Variants in ADAM17 observed in about 807,000 individuals in gnomAD.
ADAM17 encodes disintegrin and metalloproteinase domain-containing protein 17.
A neutral mutation model predicts 96.7 loss-of-function variants in ADAM17; 39 were observed. The observed-to-expected ratio is 0.40, with a 90% CI of 0.31 to 0.53. ADAM17 has a LOEUF of 0.53. Ranked by LOEUF, ADAM17 falls within the 20% of genes least tolerant of loss-of-function variation. ADAM17 has a pLI of 0.44. For synonymous variants in ADAM17, 344 were observed against 359.2 expected (o/e 0.96, Z 0.48); for missense variants, 777 against 1,013.2 (o/e 0.77, Z 3.17).
rs545777161 is a variant in ADAM17, at chr2:9,544,964, T to A, written c.98-1679A>T. 2.1e-4 allele frequency among the ~76,000 whole-genome samples: 32 copies of A among 152,286 alleles called. 1 individual carries two copies. Among genetic ancestry groups the A allele is most frequent in the South Asian group, 2.1e-3 (10 of 4,822 alleles). On this transcript the variant is annotated intron_variant, in intron 1 of 18. Transcript: ENST00000310823. ...ACGAATTCTCAGTGCTGAAATGCAA[T>A]ATGGTCCTTTAGTTCTTCAATTTCC...
chr2:9,532,006 G>A (rs1480865580), intron 4 of ADAM17, among the ~76,000 whole-genome samples: 1 of 152,152 alleles, frequency 6.6e-6, no homozygotes, highest in Non-Finnish European at 1.5e-5. Context: ...CAGCTACTCA[G>A]GAGGCAGAAA....
intron 1 of ADAM17, among the ~76,000 whole-genome samples, chr2:9,552,943 G>C (rs1166152582): frequency 6.6e-6 from 1 of 151,928 alleles, no homozygotes; most frequent in Non-Finnish European, 1.5e-5. Flanking sequence ...GTATTTGTAG[G>C]ACAATAAACA....
chr2:9,513,160 A>G (rs1663837314), intron 10 of ADAM17, among the ~76,000 whole-genome samples: 1 of 151,940 alleles, frequency 6.6e-6, no homozygotes, highest in African/African-American at 2.4e-5. Context: ...ACACCTGGCT[A>G]ATTTTTGTAT....
intron 6 of ADAM17, 73 bp from the exon 7 acceptor site, chr2:9,523,411 A>C: frequency 7.7e-7 from 1 of 1,301,596 alleles, no homozygotes; most frequent in Non-Finnish European, 1.1e-6. Flanking sequence ...TATAAAATCT[A>C]TGGGGAAAGA....
intron 18 of ADAM17, 65 bp from the exon 19 acceptor site, chr2:9,490,583 C>T: frequency 2.1e-6 from 3 of 1,444,550 alleles, no homozygotes. Flanking sequence ...CTCACAGCTC[C>T]ACCCTTACCC....
At chr2:9,504,427 G>A (rs976027964) in intron 12 of ADAM17, among the ~76,000 whole-genome samples, 4 of 151,682 alleles carry the variant, frequency 2.6e-5, no homozygotes, top group Non-Finnish European at 5.9e-5. Flanking sequence ...CCTGGCAACA[G>A]AGCGAGACGC....
chr2:9,530,079 T>C (rs889990751), intron 4 of ADAM17, among the ~76,000 whole-genome samples: 1 of 152,202 alleles, frequency 6.6e-6, no homozygotes, highest in Non-Finnish European at 1.5e-5. Flanking sequence ...TATATGCATA[T>C]ACATCTTTGG....
At chr2:9,497,378 T>A in intron 13 of ADAM17, 130 bp from the exon 14 acceptor site, 1 of 1,184,824 alleles carries the variant, frequency 8.4e-7, no homozygotes, top group South Asian at 1.5e-5. Flanking sequence ...CCTACAGAGC[T>A]AGGACAAGAG....
At chr2:9,516,577 C>T (rs1558511137) in intron 10 of ADAM17, among the ~76,000 whole-genome samples, 1 of 151,888 alleles carries the variant, frequency 6.6e-6, no homozygotes, top group African/African-American at 2.4e-5. Flanking sequence ...ATGGTGAAAC[C>T]CTGTCTCTAA....
chr2:9,509,706 A>G (rs541967831), intron 11 of ADAM17, among the ~76,000 whole-genome samples: 19 of 152,090 alleles, frequency 1.2e-4, no homozygotes, highest in Non-Finnish European at 2.1e-4. Context: ...GAAATCCAGA[A>G]CTCCAAAAAA....
chr2:9,491,187 A>C, intron 17 of ADAM17, 36 bp from the exon 18 acceptor site: 8 of 1,587,166 alleles, frequency 5.0e-6, no homozygotes, highest in Non-Finnish European at 6.9e-6. Context: ...TTCCCTACAA[A>C]TACAATTCAG....
rs1035434679 is a variant in ADAM17, at chr2:9,527,814, T to G, written c.591A>C (p.Lys197Asn). The change falls in exon 5 of 19, where the codon AAA becomes AAC. Residue 197 changes from lysine (K) to asparagine (N), a missense_variant. Around this residue, in one of 3 missense-constraint regions of ADAM17, gnomAD observed 446 missense variants for 664.7 expected, o/e 0.67. Coordinates refer to ENST00000310823, the MANE Select transcript of ADAM17 (RefSeq NM_003183.6). ...LKVDNEELLP[K>N]GLVDREPPEE... ...CAGGTGGTTCTCTGTCTACTAACCC[T>G]TTTGGGAGCAACTCTTCATTATCCA... 1.1e-5 allele frequency: 17 copies of G among 1,597,590 alleles called. No individual in the cohort carries two copies. Among genetic ancestry groups the G allele is most frequent in the Non-Finnish European group, 1.4e-5 (17 of 1,173,820 alleles).
chr2:9,542,660 ACT>A (rs1314367878), intron 2 of ADAM17, among the ~76,000 whole-genome samples: 2 of 152,166 alleles, frequency 1.3e-5, no homozygotes, highest in Non-Finnish European at 2.9e-5. Flanking sequence ...ATATCTATTT[ACT>A]TTTTTAAAAA....
chr2:9,492,565 C>T (rs924494340), intron 17 of ADAM17, among the ~76,000 whole-genome samples: 3 of 152,174 alleles, frequency 2.0e-5, no homozygotes, highest in African/African-American at 7.2e-5. Flanking sequence ...TCTATTGCAA[C>T]GAAGTCAGCC....
Position 9,491,104 on chromosome 2 carries a change from G to A in ADAM17, c.2130C>T (p.Pro710=). 6.2e-7 allele frequency: 1 copy of A among 1,612,660 alleles called. No homozygotes were observed. The highest frequency in any genetic ancestry group is 1.1e-5 in the South Asian group (1 of 90,970). ...KQYESLSLFH[P]SNVEMLSSMD... ...TTCTTTCATATGGTATACTTACACT[G>A]GGGTGAAACAGAGACAGAGATTCAT... The change falls in exon 18 of 19, where the codon CCC becomes CCT. Residue 710 remains proline, a synonymous_variant. Coordinates refer to ENST00000310823, the MANE Select transcript of ADAM17 (RefSeq NM_003183.6).
At chr2:9,536,564 A>AG in intron 3 of ADAM17, 134 bp downstream of exon 3, 1 of 1,231,776 alleles carries the variant, frequency 8.1e-7, no homozygotes, top group Non-Finnish European at 1.1e-6. Context: ...TATACCTCAA[A>AG]GAAAAGTCAA....
intron 1 of ADAM17, among the ~76,000 whole-genome samples, chr2:9,555,279 G>A (rs1665704859): frequency 6.6e-6 from 1 of 152,176 alleles, no homozygotes; most frequent in African/African-American, 2.4e-5. Context: ...CAGGCGCTCA[G>A]TCACTACATG....
At position 9,548,846 on chromosome 2, in the gene ADAM17, G is replaced by A. The variant is rs541565874; in HGVS notation, c.98-5561C>T. Among the ~76,000 whole-genome samples, 11 of 152,236 alleles carry A rather than the reference G, an allele frequency of 7.2e-5. 1 individual carries two copies. The highest frequency in any genetic ancestry group is 3.4e-3 in the Middle Eastern group (1 of 294). ...TTTCAAAGAAGAATAAAAAGAAAAC[G>A]GGGCTTTCAGGCCTGTAACAAAATG... On this transcript the variant is annotated intron_variant, in intron 1 of 18. Transcript: ENST00000310823.
intron 2 of ADAM17, among the ~76,000 whole-genome samples, chr2:9,537,659 G>A (rs2125036273): frequency 6.6e-6 from 1 of 151,894 alleles, no homozygotes; most frequent in African/African-American, 2.4e-5. Flanking sequence ...GTGAACCCGG[G>A]AGGCGGAGCC....
Sources: allele counts gnomAD v4.1 joint callset (sites outside exome capture counted in the v4.1 genomes callset), GRCh38; gene constraint gnomAD v4.1.1; regional missense constraint gnomAD v4.1.1; transcripts MANE v1.5; gene names NCBI Gene and HGNC (gene_info 2026-07-23, HGNC 2026-07-21).